Variants in LRRC36 observed in about 807,000 individuals in gnomAD.
The protein encoded by LRRC36 is leucine-rich repeat-containing protein 36.
In LRRC36, 62 loss-of-function variants were observed where a neutral mutation model predicts 81.1. The observed-to-expected ratio is 0.76, with a 90% CI of 0.62 to 0.94. LRRC36 has a LOEUF of 0.94. LRRC36 is among the 40% of genes least tolerant of loss of function. The pLI, the probability that LRRC36 is intolerant of heterozygous loss-of-function variation, is 0.00. For missense variants in LRRC36, 761 were observed against 881.7 expected (o/e 0.86, Z 1.73); for synonymous variants, 334 against 348.6 (o/e 0.96, Z 0.47).
At chr16:67,338,060 G>A (rs892789430) in intron 1 of LRRC36, among the ~76,000 whole-genome samples, 1 of 151,142 alleles carries the variant, frequency 6.6e-6, no homozygotes, top group Non-Finnish European at 1.5e-5. Context: ...GTCCAGCCTG[G>A]GAAACAAGAA....
At chr16:67,380,871 C>A (rs1351402444) in intron 12 of LRRC36, among the ~76,000 whole-genome samples, 1 of 152,152 alleles carries the variant, frequency 6.6e-6, no homozygotes, top group Non-Finnish European at 1.5e-5. Context: ...GGGGCCTCAC[C>A]TCAGACCTAC....
chr16:67,339,384 C>T (rs1216268272), intron 1 of LRRC36, among the ~76,000 whole-genome samples: 1 of 151,898 alleles, frequency 6.6e-6, no homozygotes, highest in Non-Finnish European at 1.5e-5. Flanking sequence ...AGGGACCATA[C>T]TTTGAGAGCT....
chr16:67,363,728 T>C lies in LRRC36; in HGVS notation c.702+14T>C. ...CTGGGGACACAGGTAATGTATTCAC[T>C]CTCCTGCTGATCTGTTGACTAGTCA... is the stretch of plus-strand genomic sequence containing the variant. On this transcript the variant is annotated intron_variant, in intron 6 of 13. Coordinates refer to ENST00000329956, the MANE Select transcript of LRRC36 (RefSeq NM_018296.6). The C allele has an allele frequency of 6.2e-7, 1 of 1,612,596 alleles. No individual in the cohort carries two copies.
At chr16:67,341,631 C>A (rs1489176143) in intron 1 of LRRC36, among the ~76,000 whole-genome samples, 2 of 151,812 alleles carry the variant, frequency 1.3e-5, no homozygotes, top group Non-Finnish European at 2.9e-5. Flanking sequence ...ATATAACCTG[C>A]CAAAATTTTG....
At chr16:67,330,804 G>A (rs932455090) in intron 1 of LRRC36, among the ~76,000 whole-genome samples, 1 of 152,116 alleles carries the variant, frequency 6.6e-6, no homozygotes, top group African/African-American at 2.4e-5. Context: ...AGCAGAGGTT[G>A]CAGTGAACTG....
intron 6 of LRRC36, 99 bp downstream of exon 6, chr16:67,363,813 G>C (rs780014667): frequency 9.6e-6 from 13 of 1,347,940 alleles, no homozygotes; most frequent in Non-Finnish European, 1.3e-5. Flanking sequence ...CAGAGGACTT[G>C]TTTGATGAAG....
At chr16:67,328,621 C>T (rs1488179518) in intron 1 of LRRC36, among the ~76,000 whole-genome samples, 1 of 152,166 alleles carries the variant, frequency 6.6e-6, no homozygotes, top group Non-Finnish European at 1.5e-5. Flanking sequence ...TTACTGTTAC[C>T]AGTATCTTGG....
chr16:67,351,357 AT>A (rs2038623264), intron 5 of LRRC36, among the ~76,000 whole-genome samples: 1 of 152,126 alleles, frequency 6.6e-6, no homozygotes, highest in African/African-American at 2.4e-5. Context: ...CATGTATTTT[AT>A]TTTCTTGATT....
intron 3 of LRRC36, 26 bp from the exon 4 acceptor site, chr16:67,347,469 G>A (rs2038405526): frequency 6.2e-7 from 1 of 1,611,850 alleles, no homozygotes; most frequent in Non-Finnish European, 8.5e-7. Context: ...AAAGAAACAT[G>A]CTCAGACCAC....
At chr16:67,329,249 T>C (rs1424859625) in intron 1 of LRRC36, among the ~76,000 whole-genome samples, 1 of 152,124 alleles carries the variant, frequency 6.6e-6, no homozygotes, top group Non-Finnish European at 1.5e-5. Flanking sequence ...TAAAAAAAAG[T>C]CACATATGCA....
chr16:67,342,268 A>T (rs1242302860), intron 2 of LRRC36, among the ~76,000 whole-genome samples, 184 bp downstream of exon 2: 1 of 152,184 alleles, frequency 6.6e-6, no homozygotes, highest in Non-Finnish European at 1.5e-5. Context: ...TTGTTATAAA[A>T]TATTGGGAGG....
At position 67,385,139 on chromosome 16, in the gene LRRC36, A is replaced by G. The variant is rs776481471; in HGVS notation, c.*50A>G. On this transcript the variant is annotated 3_prime_UTR_variant, in exon 14 of 14. Coordinates refer to ENST00000329956, the MANE Select transcript of LRRC36 (RefSeq NM_018296.6). The stretch of plus-strand genomic sequence containing the variant: ...GCTTCCCTGGTCCACAGAGGCTCTC[A>G]CCGCCATTGCCACCAGTATGGTGGT... 1.4e-6 allele frequency: 2 copies of G among 1,399,364 alleles called. No homozygotes were observed. Among genetic ancestry groups the G allele is most frequent in the African/African-American group, 1.4e-5 (1 of 70,104 alleles). The allele number at this position is 1,399,364 out of a possible 1,614,324, so 86.7% of individuals were successfully genotyped here.
At chr16:67,362,800 T>C (rs2039216093) in intron 5 of LRRC36, among the ~76,000 whole-genome samples, 1 of 151,752 alleles carries the variant, frequency 6.6e-6, no homozygotes, top group Admixed American at 6.6e-5. Context: ...TTTATTGAGA[T>C]AGAGTCTCAC....
chr16:67,374,510 T>C (rs985134701), intron 9 of LRRC36, among the ~76,000 whole-genome samples: 5 of 152,052 alleles, frequency 3.3e-5, no homozygotes, highest in Non-Finnish European at 7.4e-5. Flanking sequence ...TTCTCCTGCC[T>C]CATCCTCCTG....
At chr16:67,350,855 A>G (rs1373161481) in intron 5 of LRRC36, among the ~76,000 whole-genome samples, 1 of 152,192 alleles carries the variant, frequency 6.6e-6, no homozygotes, top group South Asian at 2.1e-4. Flanking sequence ...CCTGACCGAC[A>G]TGGAGAAACC....
chr16:67,367,539 T>A, intron 8 of LRRC36, 82 bp downstream of exon 8: 1 of 1,252,186 alleles, frequency 8.0e-7, no homozygotes, highest in Non-Finnish European at 1.1e-6. Context: ...GAATTAACCC[T>A]TCTGAAATTG....
intron 5 of LRRC36, among the ~76,000 whole-genome samples, chr16:67,361,835 G>A (rs1309302052): frequency 1.3e-5 from 2 of 152,136 alleles, no homozygotes; most frequent in Non-Finnish European, 2.9e-5. Context: ...CCAAAGTGCT[G>A]AAATTATAGG....
At chr16:67,360,126 CAA>C (rs551585538) in intron 5 of LRRC36, among the ~76,000 whole-genome samples, 20 of 118,390 alleles carry the variant, frequency 1.7e-4, no homozygotes, top group Admixed American at 1.8e-4. Context: ...GACTCTGTCT[CAA>C]AAAAAAAAAA....
At chr16:67,327,265 C>A (rs2037232835) in intron 1 of LRRC36, among the ~76,000 whole-genome samples, 1 of 152,068 alleles carries the variant, frequency 6.6e-6, no homozygotes, top group Middle Eastern at 3.2e-3. Flanking sequence ...GTAATCCCAG[C>A]ACTTTGGGAG....
Sources: allele counts gnomAD v4.1 joint callset (sites outside exome capture counted in the v4.1 genomes callset), GRCh38; gene constraint gnomAD v4.1.1; transcripts MANE v1.5; gene names NCBI Gene and HGNC (gene_info 2026-07-23, HGNC 2026-07-21).